Variants in PLEKHG1 observed in about 807,000 individuals in gnomAD.
The protein encoded by PLEKHG1 is pleckstrin homology domain-containing family G member 1.
Under a neutral mutation model 100.8 loss-of-function variants are expected in PLEKHG1, and 44 were observed. The observed-to-expected ratio is 0.44, with a 90% CI of 0.34 to 0.56. The LOEUF (loss-of-function observed/expected upper bound fraction) is 0.56, where lower values mean the gene tolerates loss of function less well. PLEKHG1 is among the 20% of genes least tolerant of loss of function. PLEKHG1 has a pLI of 0.01. For missense variants in PLEKHG1, 1,545 were observed against 1,720.9 expected (o/e 0.90, Z 1.81); for synonymous variants, 640 against 662.5 (o/e 0.97, Z 0.52).
chr6:150,701,382 G>GGAAGCT (rs1478053470), intron 3 of PLEKHG1, among the ~76,000 whole-genome samples: 1 of 128,816 alleles, frequency 7.8e-6, no homozygotes, highest in Non-Finnish European at 1.6e-5. Flanking sequence ...TAGATGACCT[G>GGAAGCT]GAAGCTGGAT....
At chr6:150,799,199 C>A (rs1786547158) in intron 5 of PLEKHG1, among the ~76,000 whole-genome samples, 1 of 152,206 alleles carries the variant, frequency 6.6e-6, no homozygotes, top group Non-Finnish European at 1.5e-5. Flanking sequence ...ATCTTGTCCA[C>A]TTGTATCCCA....
intron 3 of PLEKHG1, among the ~76,000 whole-genome samples, chr6:150,710,338 AC>A (rs1781198977): frequency 1.3e-5 from 2 of 151,934 alleles, no homozygotes. Context: ...TCCTTTTGTG[AC>A]CCCTTCTTTT....
chr6:150,732,616 G>C (rs189341958), intron 1 of PLEKHG1, among the ~76,000 whole-genome samples: 1 of 152,340 alleles, frequency 6.6e-6, no homozygotes, highest in Non-Finnish European at 1.5e-5. Context: ...TGTCATACAT[G>C]CTGTTTGTTG....
At chr6:150,712,447 T>C (rs1158470996) in intron 3 of PLEKHG1, among the ~76,000 whole-genome samples, 1 of 152,208 alleles carries the variant, frequency 6.6e-6, no homozygotes. Flanking sequence ...TACATATTCA[T>C]TAAAGAAAAT....
At chr6:150,626,090 AT>A (rs1777496018) in intron 1 of PLEKHG1, 1 of 149,158 alleles carries the variant, frequency 6.7e-6, no homozygotes, top group Admixed American at 6.7e-5. Context: ...TGTGGGGGTG[AT>A]GAAAAAACTG....
At chr6:150,613,759 T>C (rs1316079175) in intron 1 of PLEKHG1, among the ~76,000 whole-genome samples, 3 of 152,180 alleles carry the variant, frequency 2.0e-5, no homozygotes, top group African/African-American at 7.2e-5. Context: ...CTCCACTCCA[T>C]TCAGGTTACT....
intron 1 of PLEKHG1, among the ~76,000 whole-genome samples, chr6:150,630,900 C>T (rs1777721409): frequency 6.6e-6 from 1 of 152,118 alleles, no homozygotes; most frequent in Non-Finnish European, 1.5e-5. Context: ...TTTCCAGAAG[C>T]TCAGTGGAGA....
Position 150,809,544 on chromosome 6 carries a change from GC to G in PLEKHG1, c.1191+69del. On this transcript the variant is annotated intron_variant, in intron 9 of 15. Transcript: ENST00000358517. Reference sequence around the variant, plus strand: ...AATGATGAGTGCTGTGTACCATGTGGCTTTTTGAGAGCGTTCTGGCCACATG... The same window carrying G: ...AATGATGAGTGCTGTGTACCATGTGGTTTTTGAGAGCGTTCTGGCCACATG... 5.3e-6 allele frequency: 8 copies of G among 1,516,762 alleles called. 1 individual carries two copies. Among genetic ancestry groups the G allele is most frequent in the Non-Finnish European group, 7.3e-6 (8 of 1,091,498 alleles). 94.0% of individuals were successfully genotyped at this position (1,516,762 alleles called of 1,614,324 possible). A position where few individuals can be genotyped will look rare whatever the true frequency, so the allele number is the denominator to read the frequency against.
exon 16 of PLEKHG1, chr6:150,839,985 T>C: frequency 1.2e-6 from 2 of 1,614,168 alleles, no homozygotes; most frequent in Non-Finnish European, 1.7e-6. Context: ...TAGTGGAGAC[T>C]GGCTTCTGCA....
At chr6:150,781,765 C>A (rs1370108487) in intron 3 of PLEKHG1, among the ~76,000 whole-genome samples, 1 of 150,960 alleles carries the variant, frequency 6.6e-6, no homozygotes, top group Non-Finnish European at 1.5e-5. Flanking sequence ...AAGATCCTTT[C>A]TTTTTCTTTT....
At chr6:150,748,325 C>T (rs1261993277) in intron 2 of PLEKHG1, among the ~76,000 whole-genome samples, 1 of 152,154 alleles carries the variant, frequency 6.6e-6, no homozygotes, top group Non-Finnish European at 1.5e-5. Flanking sequence ...ATGGGATTTT[C>T]AATTTACTAG....
chr6:150,808,029 T>A (rs763657610), intron 7 of PLEKHG1, among the ~76,000 whole-genome samples: 7 of 152,142 alleles, frequency 4.6e-5, no homozygotes, highest in Non-Finnish European at 1.0e-4. Context: ...ACAGGAGGAT[T>A]ACAGTCAACA....
intron 4 of PLEKHG1, among the ~76,000 whole-genome samples, chr6:150,792,423 C>T (rs1786042889): frequency 6.6e-6 from 1 of 150,862 alleles, no homozygotes; most frequent in South Asian, 2.1e-4. Context: ...CCTGTAATCC[C>T]AACACTCTGG....
chr6:150,603,079 C>CAAAAAAAAAAAAAA (rs71554469), intron 1 of PLEKHG1, among the ~76,000 whole-genome samples: 2 of 70,306 alleles, frequency 2.8e-5, no homozygotes, highest in African/African-American at 1.1e-4. Context: ...GACTCCGTCT[C>CAAAAAAAAAAAAAA]AAAAAAAAAA....
intron 2 of PLEKHG1, among the ~76,000 whole-genome samples, chr6:150,746,835 G>A (rs35632400): frequency 0.18 from 27,558 of 152,188 alleles, 2,633 homozygotes; most frequent in Admixed American, 0.24. Flanking sequence ...TAATGGGAGG[G>A]AAGTAGAATA....
At chr6:150,763,881 C>T (rs565399994) in intron 2 of PLEKHG1, among the ~76,000 whole-genome samples, 439 of 152,276 alleles carry the variant, frequency 2.9e-3, no homozygotes, top group Middle Eastern at 0.01. Flanking sequence ...TGGGAAGTGA[C>T]GAAGAGAGAG....
At chr6:150,815,968 G>C (rs1787840296) in intron 10 of PLEKHG1, among the ~76,000 whole-genome samples, 1 of 152,154 alleles carries the variant, frequency 6.6e-6, no homozygotes, top group Admixed American at 6.5e-5. Context: ...CTTTTGGGAT[G>C]ATGAAAGCAC....
chr6:150,831,127 G>A lies in PLEKHG1; in HGVS notation c.2016G>A (p.Met672Ile), dbSNP rs757173950. The A allele has an allele frequency of 3.7e-6, 6 of 1,613,924 alleles. No homozygotes were observed. Among genetic ancestry groups the A allele is most frequent in the Non-Finnish European group, 5.1e-6 (6 of 1,179,872 alleles). Reference sequence around the variant, plus strand: ...TCAGTTATGAGGACTTAAAACTAATGGTTGCTAAGCGGGAAGAAGCTGAAT... The same window carrying A: ...TCAGTTATGAGGACTTAAAACTAATAGTTGCTAAGCGGGAAGAAGCTGAAT... The change falls in exon 15 of 16, where the codon ATG becomes ATA. Residue 672 changes from methionine (M) to isoleucine (I), a missense_variant. Transcript: ENST00000358517. This position sits in a 1 kb window ranked among gnomAD's most constrained non-coding sequence, Gnocchi z 4.1.
At chr6:150,711,144 A>G (rs1204335992) in intron 3 of PLEKHG1, among the ~76,000 whole-genome samples, 1 of 152,176 alleles carries the variant, frequency 6.6e-6, no homozygotes, top group African/African-American at 2.4e-5. Context: ...TGGCATGAGG[A>G]CTTAAAATTC....
Sources: gnomAD v4.1 joint callset for allele counts (sites outside exome capture counted in the v4.1 genomes callset) on GRCh38, gnomAD v4.1.1 for gene constraint, Gnocchi (gnomAD v3.1) non-coding constraint, MANE v1.5 for transcripts, NCBI Gene and HGNC (gene_info 2026-07-23, HGNC 2026-07-21) for gene names.